The following DUSP22 variants were observed in gnomAD, a reference collection of about 807,000 sequenced individuals.
The protein encoded by DUSP22 is dual specificity protein phosphatase 22.
Under a neutral mutation model 24.5 loss-of-function variants are expected in DUSP22, and 24 were observed. The ratio of observed to expected loss-of-function variants is 0.98; its 90% CI spans 0.71 to 1.38. DUSP22 has a LOEUF of 1.38. DUSP22 is among the 40% of genes most tolerant of loss of function. DUSP22 has a pLI of 0.00. For missense variants in DUSP22, 330 were observed against 269.2 expected (o/e 1.23, Z -1.58); for synonymous variants, 160 against 106.4 (o/e 1.50, Z -3.10).
chr6:312,966 A>ATTTTT (rs5873738), intron 3 of DUSP22, among the ~76,000 whole-genome samples: 2 of 142,538 alleles, frequency 1.4e-5, no homozygotes, highest in Non-Finnish European at 3.1e-5. Context: ...TTAGCTCATA[A>ATTTTT]TTTTTTTTTT....
intron 2 of DUSP22, among the ~76,000 whole-genome samples, chr6:305,071 T>G (rs1339683841): frequency 1.3e-5 from 2 of 152,308 alleles, no homozygotes; most frequent in Non-Finnish European, 2.9e-5. Context: ...TGCATAGGCC[T>G]CATTTTGCTT....
chr6:294,575 A>G (rs1289200928), intron 1 of DUSP22, among the ~76,000 whole-genome samples: 2 of 152,282 alleles, frequency 1.3e-5, no homozygotes, highest in African/African-American at 4.8e-5. Flanking sequence ...ACCAATATAT[A>G]AAGTTATTCA....
intron 3 of DUSP22, among the ~76,000 whole-genome samples, chr6:327,966 G>A (rs1344254941): frequency 1.3e-5 from 2 of 152,306 alleles, no homozygotes; most frequent in Admixed American, 1.3e-4. Context: ...GTGAAAATGG[G>A]TCTTCTCTAC....
At chr6:316,734 C>T (rs1272540194) in intron 3 of DUSP22, among the ~76,000 whole-genome samples, 1 of 152,300 alleles carries the variant, frequency 6.6e-6, no homozygotes, top group Non-Finnish European at 1.5e-5. Context: ...GGAAACAAAA[C>T]TATTTCTCAC....
intron 2 of DUSP22, 83 bp from the exon 3 acceptor site, chr6:311,797 G>GGTT: frequency 8.6e-7 from 1 of 1,157,304 alleles, no homozygotes; most frequent in Non-Finnish European, 1.2e-6. Context: ...CATTTTGTGG[G>GGTT]TTTTTTTTTT....
intron 3 of DUSP22, among the ~76,000 whole-genome samples, chr6:322,259 G>T (rs568967251): frequency 6.6e-6 from 1 of 152,426 alleles, no homozygotes; most frequent in Admixed American, 6.5e-5. Context: ...ATCCTCCAGC[G>T]TCTTGCTTTT....
intron 2 of DUSP22, among the ~76,000 whole-genome samples, 161 bp downstream of exon 2, chr6:304,822 A>C (rs1250857537): frequency 6.6e-6 from 1 of 152,302 alleles, no homozygotes; most frequent in Non-Finnish European, 1.5e-5. Flanking sequence ...TCCCAAACTG[A>C]AACTGTGTCC....
At chr6:305,952 C>A (rs373370925) in intron 2 of DUSP22, among the ~76,000 whole-genome samples, 7 of 152,426 alleles carry the variant, frequency 4.6e-5, no homozygotes, top group African/African-American at 1.7e-4. Context: ...TCTATAATGT[C>A]TGTTTCCACA....
Position 346,394 on chromosome 6 carries a change from C to T in DUSP22, c.263+466C>T, listed in dbSNP as rs950193211. On this transcript the variant is annotated intron_variant, in intron 5 of 6. Coordinates refer to ENST00000419235, the MANE Select transcript of DUSP22 (RefSeq NM_001286555.3). ...ACACCAGAATGACCCAGTTTAGTGA[C>T]GGCTGTCTGTTTGCATCCTGCTATA... Among the ~76,000 whole-genome samples the T allele has an allele frequency of 5.9e-5, 9 of 152,196 alleles. No individual in the cohort carries two copies. The East Asian group carries it at 7.7e-4, about 13-fold the overall frequency.
intron 1 of DUSP22, among the ~76,000 whole-genome samples, chr6:301,115 C>T (rs1757562053): frequency 6.6e-6 from 1 of 152,310 alleles, no homozygotes; most frequent in Non-Finnish European, 1.5e-5. Context: ...TTGGCAGCTT[C>T]TATACTAACA....
At chr6:302,066 G>A (rs2127391526) in intron 1 of DUSP22, among the ~76,000 whole-genome samples, 1 of 152,426 alleles carries the variant, frequency 6.6e-6, no homozygotes, top group Admixed American at 6.5e-5. Context: ...TGCATGCACA[G>A]GACTGGAGTG....
chr6:321,581 A>G (rs1445276514), intron 3 of DUSP22, among the ~76,000 whole-genome samples: 1 of 152,302 alleles, frequency 6.6e-6, no homozygotes, highest in Non-Finnish European at 1.5e-5. Flanking sequence ...ATAAAGTGAC[A>G]TAACAAAGTT....
At chr6:343,982 G>C (rs1396360704) in intron 4 of DUSP22, among the ~76,000 whole-genome samples, 2 of 152,312 alleles carry the variant, frequency 1.3e-5, no homozygotes, top group Non-Finnish European at 2.9e-5. Context: ...GCCATTCAAA[G>C]GTAGAAGACG....
chr6:336,746 A>G (rs996214982), intron 4 of DUSP22, among the ~76,000 whole-genome samples: 5 of 152,300 alleles, frequency 3.3e-5, no homozygotes, highest in African/African-American at 1.2e-4. Flanking sequence ...TTTTCCTAGG[A>G]AAACAGAGTA....
chr6:311,337 A>G (rs926603695), intron 2 of DUSP22, among the ~76,000 whole-genome samples: 1 of 152,304 alleles, frequency 6.6e-6, no homozygotes, highest in Non-Finnish European at 1.5e-5. Context: ...TTCCTCATAG[A>G]AAGTTTTTTT....
At chr6:342,009 C>G (rs965268472) in intron 4 of DUSP22, among the ~76,000 whole-genome samples, 2 of 152,300 alleles carry the variant, frequency 1.3e-5, no homozygotes, top group African/African-American at 2.4e-5. Context: ...TGGGGACGTG[C>G]AGATGTCAAA....
At chr6:322,738 G>A (rs1448890849) in intron 3 of DUSP22, among the ~76,000 whole-genome samples, 3 of 152,074 alleles carry the variant, frequency 2.0e-5, no homozygotes, top group Non-Finnish European at 4.4e-5. Context: ...TGTGTGGCTG[G>A]CTGACTAGCA....
chr6:298,898 A>G (rs1409512378), intron 1 of DUSP22, among the ~76,000 whole-genome samples: 5 of 152,306 alleles, frequency 3.3e-5, no homozygotes, highest in Admixed American at 6.5e-5. Flanking sequence ...AAGGAAATGA[A>G]TACAGCCATT....
intron 3 of DUSP22, among the ~76,000 whole-genome samples, chr6:318,023 G>A (rs1473613018): frequency 2.0e-5 from 3 of 152,306 alleles, no homozygotes; most frequent in Non-Finnish European, 4.4e-5. Context: ...ATGCAGCCTC[G>A]CTTATATGGG....
Sources: gnomAD v4.1 joint callset for allele counts (sites outside exome capture counted in the v4.1 genomes callset) on GRCh38, gnomAD v4.1.1 for gene constraint, MANE v1.5 for transcripts, NCBI Gene and HGNC (gene_info 2026-07-23, HGNC 2026-07-21) for gene names.